Variants in PDZD2 observed in about 807,000 individuals in gnomAD.
PDZD2 encodes the protein PDZ domain-containing protein 2.
A neutral mutation model predicts 220.7 loss-of-function variants in PDZD2; 90 were observed. The observed-to-expected ratio is 0.41, with a 90% CI of 0.34 to 0.49. PDZD2 has a LOEUF of 0.49. Among genes scored for constraint, PDZD2 ranks in the 20% least tolerant of loss-of-function variants. The probability of loss-of-function intolerance (pLI) is 0.28; values close to 1 mark genes in which losing one functional copy is unlikely to be tolerated. For synonymous variants in PDZD2, 1,375 were observed against 1,450.5 expected, an observed-to-expected ratio of 0.95 and a Z score of 1.18; for missense variants, 3,174 against 3,608.5, an observed-to-expected ratio of 0.88 and a Z score of 3.08.
At chr5:31,801,808 A>C (rs1303032858) in intron 2 of PDZD2, among the ~76,000 whole-genome samples, 1 of 152,192 alleles carries the variant, frequency 6.6e-6, no homozygotes, top group African/African-American at 2.4e-5. Context: ...AGTAGTCTAT[A>C]TGTATTAATA....
chr5:32,059,019 T>G (rs1739414210), intron 12 of PDZD2, among the ~76,000 whole-genome samples: 1 of 152,214 alleles, frequency 6.6e-6, no homozygotes, highest in Admixed American at 6.5e-5. Context: ...CGTCGGATAA[T>G]TCAGTCCGTA....
At chr5:32,021,952 C>G (rs1754230976) in intron 6 of PDZD2, among the ~76,000 whole-genome samples, 1 of 152,090 alleles carries the variant, frequency 6.6e-6, no homozygotes, top group Non-Finnish European at 1.5e-5. Flanking sequence ...GATACAACTG[C>G]AGTAGTTCAT....
At chr5:31,811,212 T>G (rs1418395953) in intron 2 of PDZD2, among the ~76,000 whole-genome samples, 1 of 152,170 alleles carries the variant, frequency 6.6e-6, no homozygotes, top group African/African-American at 2.4e-5. Flanking sequence ...TCTCGAACTC[T>G]TGACCTCAAG....
intron 2 of PDZD2, among the ~76,000 whole-genome samples, chr5:31,872,512 T>C (rs770113784): frequency 6.7e-6 from 1 of 149,434 alleles, no homozygotes; most frequent in Non-Finnish European, 1.5e-5. Flanking sequence ...TTTCATGAGA[T>C]ACACTTTCCT....
Position 31,935,566 on chromosome 5 carries a change from T to C in PDZD2, c.477-47589T>C, listed in dbSNP as rs891852276. On this transcript the variant is annotated intron_variant, in intron 2 of 24. Transcript: ENST00000438447. ...GTAAATTTGGTGTCATCAAGACAAA[T>C]GGCTTTTATTTCCCAACAGACTTCT... 3.9e-5 allele frequency among the ~76,000 whole-genome samples: 6 copies of C among 152,308 alleles called. No individual in the cohort carries two copies. The East Asian group carries it at 5.8e-4, about 15-fold the overall frequency.
rs191896210 is a variant in PDZD2, at chr5:32,088,395, C to T, written c.4947C>T (p.Ala1649=). Residue 1649 remains alanine, a synonymous_variant, in exon 20 of 25, where the codon GCC becomes GCT. Transcript: ENST00000438447. This position sits in a 1 kb window ranked among gnomAD's most constrained non-coding sequence, Gnocchi z 4.6. ...CGGTGGCCAGTCCCCGTGAGAAGGC[C>T]GCCTGCTTGCCAGGCTCATACACTT... ...RESVASPREK[A]ACLPGSYTSG... 5.6e-6 allele frequency: 9 copies of T among 1,613,970 alleles called. No individual in the cohort carries two copies. Among genetic ancestry groups the T allele is most frequent in the African/African-American group, 1.3e-5 (1 of 74,994 alleles).
rs183870171 is a variant in PDZD2, at chr5:31,933,910, C to T, written c.477-49245C>T. Among the ~76,000 whole-genome samples the T allele has an allele frequency of 1.2e-3, 184 of 152,292 alleles. 1 individual carries two copies. Among genetic ancestry groups the T allele is most frequent in the African/African-American group, 4.3e-3 (180 of 41,562 alleles). Reference sequence around the variant, plus strand: ...TGTCATGGATAATGCAATTCAGAAACTTGGGTCGGTTAGGTGGCTTGTGTA... The same window carrying T: ...TGTCATGGATAATGCAATTCAGAAATTTGGGTCGGTTAGGTGGCTTGTGTA... On this transcript the variant is annotated intron_variant, in intron 2 of 24. Transcript: ENST00000438447.
chr5:31,860,874 C>T (rs1737639149), intron 2 of PDZD2, among the ~76,000 whole-genome samples: 1 of 152,270 alleles, frequency 6.6e-6, no homozygotes, highest in East Asian at 1.9e-4. Flanking sequence ...TGTCCATTTC[C>T]TTCTTTGGCC....
At chr5:31,827,622 G>A (rs1756304365) in intron 2 of PDZD2, among the ~76,000 whole-genome samples, 1 of 151,094 alleles carries the variant, frequency 6.6e-6, no homozygotes, top group South Asian at 2.1e-4. Context: ...GAACTGAGAG[G>A]CAGAGGTTGC....
chr5:31,762,530 C>G (rs1441116588), intron 1 of PDZD2, among the ~76,000 whole-genome samples: 2 of 152,202 alleles, frequency 1.3e-5, no homozygotes, highest in African/African-American at 4.8e-5. Context: ...TCAGGTGATC[C>G]GCCTGCCTCA....
chr5:31,678,119 G>T (rs1746511647), intron 1 of PDZD2, among the ~76,000 whole-genome samples: 2 of 152,314 alleles, frequency 1.3e-5, no homozygotes, highest in East Asian at 3.9e-4. Flanking sequence ...CAGACATGGG[G>T]GACAGATGGT....
chr5:32,046,989 G>A (rs1016323390), intron 7 of PDZD2, among the ~76,000 whole-genome samples: 7 of 152,016 alleles, frequency 4.6e-5, no homozygotes, highest in Admixed American at 1.3e-4. Context: ...GTTGCAGTGA[G>A]CAAATTGCGC....
chr5:31,770,883 C>CT (rs1053769595), intron 1 of PDZD2, among the ~76,000 whole-genome samples: 7 of 151,146 alleles, frequency 4.6e-5, no homozygotes, highest in South Asian at 4.2e-4. Context: ...TGTCTTTTTA[C>CT]TTTTTTTTTC....
intron 1 of PDZD2, among the ~76,000 whole-genome samples, chr5:31,778,383 C>T (rs1479364087): frequency 6.6e-6 from 1 of 152,176 alleles, no homozygotes; most frequent in Non-Finnish European, 1.5e-5. Context: ...CTTGCTGCTG[C>T]TCACTCTTTG....
At chr5:32,102,595 T>C (rs1440559294) in intron 24 of PDZD2, among the ~76,000 whole-genome samples, 6 of 151,896 alleles carry the variant, frequency 4.0e-5, no homozygotes, top group African/African-American at 1.5e-4. Context: ...GGAGGAGAAC[T>C]AGGCTCAGGC....
chr5:31,989,651 T>C (rs533736139), intron 3 of PDZD2, among the ~76,000 whole-genome samples: 1 of 152,318 alleles, frequency 6.6e-6, no homozygotes, highest in African/African-American at 2.4e-5. Flanking sequence ...CTCGAGCTCC[T>C]GACCTCTAGT....
At chr5:31,708,284 G>A (rs377120395) in intron 1 of PDZD2, among the ~76,000 whole-genome samples, 1 of 152,192 alleles carries the variant, frequency 6.6e-6, no homozygotes, top group Non-Finnish European at 1.5e-5. Flanking sequence ...AATAGATGGT[G>A]GGGGGACAGC....
At position 32,097,938 on chromosome 5, in the gene PDZD2, C is replaced by T. The variant is rs138119462; in HGVS notation, c.7948-426C>T. On this transcript the variant is annotated intron_variant, in intron 22 of 24. Transcript: ENST00000438447. Reference sequence around the variant, plus strand: ...TGAATGTATGTTTTTTTTTATAAAGCAAGTGTCTACCTTAGAAAGTTCCTT... The same window carrying T: ...TGAATGTATGTTTTTTTTTATAAAGTAAGTGTCTACCTTAGAAAGTTCCTT... 2.5e-4 allele frequency among the ~76,000 whole-genome samples: 38 copies of T among 152,236 alleles called. 1 individual carries two copies. The East Asian group carries it at 3.7e-3, about 15-fold the overall frequency.
At chr5:31,794,393 C>CTTTTTTTTTTT (rs34331530) in intron 1 of PDZD2, among the ~76,000 whole-genome samples, 1 of 105,286 alleles carries the variant, frequency 9.5e-6, no homozygotes. Context: ...TTCTTTCTTT[C>CTTTTTTTTTTT]TTTTTTTTTT....
Sources: gnomAD v4.1 joint callset for allele counts (sites outside exome capture counted in the v4.1 genomes callset) on GRCh38, gnomAD v4.1.1 for gene constraint, Gnocchi (gnomAD v3.1) non-coding constraint, MANE v1.5 for transcripts, NCBI Gene and HGNC (gene_info 2026-07-23, HGNC 2026-07-21) for gene names.